The following HEXD variants were observed in gnomAD, a reference collection of about 807,000 sequenced individuals.
HEXD encodes hexosaminidase D.
In HEXD, 47 loss-of-function variants were observed where a neutral mutation model predicts 54.2. That is an observed-to-expected ratio of 0.87 (90% CI 0.69 to 1.11). The LOEUF (loss-of-function observed/expected upper bound fraction) is 1.11. HEXD is among the 50% of genes least tolerant of loss of function. The probability of loss-of-function intolerance (pLI) is 0.00; values close to 1 mark genes in which losing one functional copy is unlikely to be tolerated. For synonymous variants in HEXD, 293 were observed against 287.6 expected, an observed-to-expected ratio of 1.02 and a Z score of -0.19; for missense variants, 576 against 649.2, an observed-to-expected ratio of 0.89 and a Z score of 1.23.
intron 9 of HEXD, chr17:82,440,371 A>G (rs1249214854): frequency 8.6e-7 from 1 of 1,169,026 alleles, no homozygotes; most frequent in Non-Finnish European, 1.1e-6. Flanking sequence ...TTGACTTCTC[A>G]GTTGCTGACT....
intron 6 of HEXD, among the ~76,000 whole-genome samples, chr17:82,436,439 C>T (rs915342276): frequency 6.6e-6 from 1 of 152,258 alleles, no homozygotes; most frequent in Non-Finnish European, 1.5e-5. Context: ...GCCTGTGGCT[C>T]ATGGCCTGGT....
At chr17:82,422,442 A>T (rs1166610053) in intron 2 of HEXD, among the ~76,000 whole-genome samples, 1 of 151,886 alleles carries the variant, frequency 6.6e-6, no homozygotes, top group African/African-American at 2.4e-5. Flanking sequence ...GGTTGCAGTG[A>T]GCCAAGATCG....
chr17:82,441,709 C>T (rs1210718027), intron 11 of HEXD, 91 bp from the exon 12 acceptor site: 1 of 967,488 alleles, frequency 1.0e-6, no homozygotes, highest in Non-Finnish European at 1.7e-6. Context: ...GAAATGTCAA[C>T]CCCATTCTTA....
intron 6 of HEXD, among the ~76,000 whole-genome samples, chr17:82,436,427 G>A (rs551049281): frequency 8.5e-5 from 13 of 152,364 alleles, no homozygotes; most frequent in Non-Finnish European, 1.6e-4. Flanking sequence ...TGCTCCAGCT[G>A]TGCCTGTGGC....
At chr17:82,429,264 A>AAT (rs1567887220) in intron 4 of HEXD, among the ~76,000 whole-genome samples, 1 of 151,928 alleles carries the variant, frequency 6.6e-6, no homozygotes, top group Non-Finnish European at 1.5e-5. Context: ...CGTCTCAAAA[A>AAT]ATATATATAT....
At chr17:82,428,524 CAT>C (rs775461038) in intron 3 of HEXD, 32 bp from the exon 4 acceptor site, 7 of 1,595,488 alleles carry the variant, frequency 4.4e-6, no homozygotes, top group Non-Finnish European at 5.2e-6. Context: ...GTGCTGCTCA[CAT>C]GACCCTCTCT....
Position 82,424,525 on chromosome 17 carries a change from A to G in HEXD, c.194+22A>G, listed in dbSNP as rs781025794. ...ACAGGTAACACTGCCCGTGGCAGGT[A>G]CAGGGGCGCGGCGTGAAAGCGGGGA... On this transcript the variant is annotated intron_variant, in intron 3 of 12. Coordinates refer to ENST00000327949, the MANE Select transcript of HEXD (RefSeq NM_001330542.2). 3.9e-6 allele frequency: 6 copies of G among 1,555,400 alleles called. No homozygotes were observed. In the South Asian group the frequency reaches 6.7e-5, roughly 17 times the overall value.
chr17:82,436,865 C>T (rs2053784119), intron 7 of HEXD, 127 bp downstream of exon 7: 2 of 791,640 alleles, frequency 2.5e-6, no homozygotes, highest in Admixed American at 2.6e-5. Flanking sequence ...CAGGGCACAG[C>T]CCCAGCAGAC....
rs2053256331 is a variant in HEXD at position 82,422,192 on chromosome 17, G to A, written c.85-2202G>A. On this transcript the variant is annotated intron_variant, in intron 2 of 12. Coordinates refer to ENST00000327949, the MANE Select transcript of HEXD (RefSeq NM_001330542.2). The stretch of plus-strand genomic sequence containing the variant: ...AAAAAAAAAAAAAAAGAAAAAAGAA[G>A]ATGATCTGAATAGCATTGCAGCAGT... Among the ~76,000 whole-genome samples, 3 of 149,892 alleles carry A rather than the reference G, an allele frequency of 2.0e-5. No individual in the cohort carries two copies. In the South Asian group the frequency reaches 6.3e-4, roughly 32 times the overall value.
At position 82,437,337 on chromosome 17, in the gene HEXD, G is replaced by A; in HGVS notation, c.873G>A (p.Gln291=). Residue 291 remains glutamine (Q), a synonymous_variant, in exon 8 of 13, where the codon CAG becomes CAA. Transcript: ENST00000327949. ...VAGSGPTDSL[Q]GIILTGWQRY... is the part of the protein sequence containing the mutation. Reference sequence around the variant, plus strand: ...GCAGCGGGCCCACGGACTCACTGCAGGGCATCATCCTGACCGGCTGGCAGA... The same window carrying A: ...GCAGCGGGCCCACGGACTCACTGCAAGGCATCATCCTGACCGGCTGGCAGA... The A allele has an allele frequency of 1.9e-6, 3 of 1,608,392 alleles. No individual in the cohort carries two copies. Among genetic ancestry groups the A allele is most frequent in the Non-Finnish European group, 2.5e-6 (3 of 1,177,708 alleles).
chr17:82,441,147 C>T lies in HEXD; in HGVS notation c.1062-18C>T. The T allele has an allele frequency of 1.2e-6, 2 of 1,613,406 alleles. No individual in the cohort carries two copies. The highest frequency in any genetic ancestry group is 1.7e-6 in the Non-Finnish European group (2 of 1,179,998). Reference sequence around the variant, plus strand: ...CCCCGCCCGTGGAGACAGCTGTTCTCAGCAGGGCTCTCCGCAGGGAGGGGG... The same window carrying T: ...CCCCGCCCGTGGAGACAGCTGTTCTTAGCAGGGCTCTCCGCAGGGAGGGGG... On this transcript the variant is annotated intron_variant, in intron 10 of 12. Coordinates refer to ENST00000327949, the MANE Select transcript of HEXD (RefSeq NM_001330542.2).
chr17:82,438,486 G>C (rs553205457), intron 8 of HEXD, among the ~76,000 whole-genome samples: 61 of 152,314 alleles, frequency 4.0e-4, no homozygotes, highest in African/African-American at 1.4e-3. Context: ...GAAGGAGCTG[G>C]GCCTCCGTGG....
At chr17:82,419,301 A>G (rs543001381) in intron 1 of HEXD, among the ~76,000 whole-genome samples, 1 of 152,260 alleles carries the variant, frequency 6.6e-6, no homozygotes, top group East Asian at 1.9e-4. Context: ...CCTCTTTATA[A>G]TCAAGCTGAT....
At chr17:82,440,840 G>C (rs535849716) in intron 9 of HEXD, among the ~76,000 whole-genome samples, 157 bp from the exon 10 acceptor site, 1 of 152,182 alleles carries the variant, frequency 6.6e-6, no homozygotes, top group Admixed American at 6.5e-5. Context: ...TTTGCCCCCA[G>C]GTCCCCTTGG....
chr17:82,426,790 C>G (rs1267308280), intron 3 of HEXD: 1 of 151,986 alleles, frequency 6.6e-6, no homozygotes, highest in African/African-American at 2.4e-5. Flanking sequence ...AGTTTGAGAC[C>G]AGCCTGACCA....
rs186050334 is a variant in HEXD, at chr17:82,424,775, T to C, written c.194+272T>C. ...CCCTACAGGGAAGAGCTGCAGTTCC[T>C]GTCTCTGTCCTGCAGGCGTTTCTTC... On this transcript the variant is annotated intron_variant, in intron 3 of 12. Transcript: ENST00000327949. Among the ~76,000 whole-genome samples, 207 of 152,388 alleles carry C rather than the reference T, an allele frequency of 1.4e-3. 1 individual carries two copies. Among genetic ancestry groups the C allele is most frequent in the African/African-American group, 4.8e-3 (200 of 41,594 alleles).
intron 11 of HEXD, 130 bp from the exon 12 acceptor site, chr17:82,441,670 C>G (rs1415366564): frequency 3.8e-6 from 3 of 794,062 alleles, no homozygotes; most frequent in Non-Finnish European, 6.5e-6. Context: ...TCATCCTTCA[C>G]AAAGACTTTC....
Position 82,437,290 on chromosome 17 carries a change from G to A in HEXD, c.826G>A (p.Val276Met), listed in dbSNP as rs1482837143. 2.0e-5 allele frequency: 32 copies of A among 1,612,296 alleles called. No individual in the cohort carries two copies. The highest frequency in any genetic ancestry group is 6.7e-5 in the Admixed American group (4 of 59,984). Residue 276 changes from valine to methionine, a missense_variant, in exon 8 of 13, where the codon GTG (valine) becomes ATG (methionine). By Grantham distance (21) the Val-to-Met change is conservative. Transcript: ENST00000327949. ...TGTTGAGCACCACCTCAGGAACCAC[G>A]TGCAGTGGCTGCAGGTGGCGGGCAG... Reference protein sequence around the residue: ...PPVEHHLRNHVQWLQVAGSGP... With the variant: ...PPVEHHLRNHMQWLQVAGSGP...
In HEXD at chr17:82,432,847, A is replaced by ATTGT. The variant is rs1316631607; in HGVS notation, c.283-811_283-810insTTGT. Among the ~76,000 whole-genome samples, 7 of 144,652 alleles carry ATTGT rather than the reference A, an allele frequency of 4.8e-5. No homozygotes were observed. In the East Asian group the frequency reaches 8.8e-4, roughly 18 times the overall value. The allele number at this position is 144,652 out of a possible 152,430, so 94.9% of individuals were successfully genotyped here. On this transcript the variant is annotated intron_variant, in intron 4 of 12. Transcript: ENST00000327949. The stretch of plus-strand genomic sequence containing the variant: ...GGGAGGCCAAGGCGGGCAGATCACA[A>ATTGT]GGTCAGGAGATCGAGACCATCCTGG...
Sources: allele counts gnomAD v4.1 joint callset (sites outside exome capture counted in the v4.1 genomes callset), GRCh38; gene constraint gnomAD v4.1.1; transcripts MANE v1.5; gene names NCBI Gene and HGNC (gene_info 2026-07-23, HGNC 2026-07-21).